Variants in ATP9B observed in about 807,000 individuals in gnomAD.
ATP9B encodes ATPase phospholipid transporting 9B.
A neutral mutation model predicts 146.1 loss-of-function variants in ATP9B; 110 were observed. The ratio of observed to expected loss-of-function variants is 0.75; its 90% CI spans 0.65 to 0.88. The LOEUF is 0.88. Ranked by LOEUF, ATP9B falls within the 40% of genes least tolerant of loss-of-function variation. The pLI is 0.00. For synonymous variants in ATP9B, 604 were observed against 569.7 expected (o/e 1.06, Z -0.86); for missense variants, 1,499 against 1,496.4 (o/e 1.00, Z -0.03).
intron 8 of ATP9B, among the ~76,000 whole-genome samples, chr18:79,185,423 C>G (rs1234058514): frequency 1.3e-5 from 2 of 152,064 alleles, no homozygotes; most frequent in Non-Finnish European, 2.9e-5. Context: ...ATAAATAATT[C>G]GTACAATGCA....
chr18:79,319,859 C>CCAA (rs2096705539), intron 15 of ATP9B, among the ~76,000 whole-genome samples: 1 of 152,118 alleles, frequency 6.6e-6, no homozygotes, highest in Admixed American at 6.5e-5. Flanking sequence ...TACAGGAGTA[C>CCAA]TCTTTGATTT....
intron 4 of ATP9B, among the ~76,000 whole-genome samples, chr18:79,121,630 A>G (rs978951048): frequency 6.6e-6 from 1 of 152,162 alleles, no homozygotes; most frequent in Admixed American, 6.5e-5. Flanking sequence ...TTATGTTCCT[A>G]GGCTGGCCAT....
chr18:79,375,856 A>G, intron 29 of ATP9B: 1 of 985,362 alleles, frequency 1.0e-6, no homozygotes, highest in African/African-American at 1.7e-5. Flanking sequence ...TGCTCCATAG[A>G]TCTTTTTATC....
intron 9 of ATP9B, among the ~76,000 whole-genome samples, chr18:79,200,805 G>C (rs565231881): frequency 0.23 from 53 of 234 alleles, no homozygotes; most frequent in African/African-American, 0.32. Flanking sequence ...GTTTTCATCA[G>C]AATAGACTTG....
At chr18:79,194,877 TG>T (rs1480739173) in intron 9 of ATP9B, among the ~76,000 whole-genome samples, 1 of 152,220 alleles carries the variant, frequency 6.6e-6, no homozygotes, top group Non-Finnish European at 1.5e-5. Context: ...ATCCAGGTTT[TG>T]CACACAGAAG....
intron 26 of ATP9B, among the ~76,000 whole-genome samples, chr18:79,366,477 C>G (rs543242325): frequency 3.9e-5 from 6 of 152,320 alleles, no homozygotes; most frequent in African/African-American, 1.4e-4. Flanking sequence ...TTGCTTCTTA[C>G]AGGAATCAAT....
chr18:79,323,238 A>G (rs1018365376), intron 15 of ATP9B, among the ~76,000 whole-genome samples: 8 of 151,902 alleles, frequency 5.3e-5, no homozygotes, highest in African/African-American at 1.9e-4. Context: ...TCCTCCGTTT[A>G]TCGTTGCTTC....
chr18:79,291,772 C>A (rs1430673902), intron 13 of ATP9B, among the ~76,000 whole-genome samples: 1 of 152,202 alleles, frequency 6.6e-6, no homozygotes, highest in Non-Finnish European at 1.5e-5. Context: ...TAGAAGATAC[C>A]ACGCATTTGT....
intron 17 of ATP9B, among the ~76,000 whole-genome samples, chr18:79,335,598 G>A (rs1018934109): frequency 1.3e-5 from 2 of 152,170 alleles, no homozygotes; most frequent in African/African-American, 2.4e-5. Context: ...AACTCTGGAA[G>A]GCGAATGCAG....
chr18:79,325,037 A>G (rs2096736492), intron 15 of ATP9B, among the ~76,000 whole-genome samples: 1 of 152,084 alleles, frequency 6.6e-6, no homozygotes. Flanking sequence ...CCGAAGACAG[A>G]CCCGGTCCCT....
chr18:79,126,629 C>T (rs2147194280), intron 5 of ATP9B, among the ~76,000 whole-genome samples: 1 of 152,248 alleles, frequency 6.6e-6, no homozygotes, highest in African/African-American at 2.4e-5. Context: ...CAAGCATGTA[C>T]ATGTATTACT....
chr18:79,280,017 A>G (rs150450072), intron 13 of ATP9B, among the ~76,000 whole-genome samples: 1 of 152,248 alleles, frequency 6.6e-6, no homozygotes, highest in Non-Finnish European at 1.5e-5. Context: ...ACCAGAAGAC[A>G]TGCATAAGAG....
chr18:79,327,914 G>GTAGCGTGCTCTCTCTGGT (rs2096766960), intron 15 of ATP9B, among the ~76,000 whole-genome samples: 1 of 52,712 alleles, frequency 1.9e-5, no homozygotes, highest in Non-Finnish European at 3.5e-5. Flanking sequence ...CTCTCCGTGG[G>GTAGCGTGCTCTCTCTGGT]TAGCGTGCTC....
intron 19 of ATP9B, among the ~76,000 whole-genome samples, chr18:79,340,796 A>G (rs2096853966): frequency 6.6e-6 from 1 of 152,244 alleles, no homozygotes; most frequent in South Asian, 2.1e-4. Context: ...TTTATTTGAC[A>G]TAAACAACTT....
At chr18:79,321,159 T>TGCTGCAGA (rs763942154) in intron 15 of ATP9B, among the ~76,000 whole-genome samples, 4 of 152,336 alleles carry the variant, frequency 2.6e-5, no homozygotes, top group East Asian at 3.9e-4. Flanking sequence ...CACACTTACG[T>TGCTGCAGA]GCTGCAGAGC....
intron 11 of ATP9B, among the ~76,000 whole-genome samples, chr18:79,220,191 G>C (rs552897208): frequency 6.6e-6 from 1 of 152,320 alleles, no homozygotes; most frequent in South Asian, 2.1e-4. Context: ...TTGGTGGTAA[G>C]ACTTCGAGTA....
At chr18:79,094,020 T>C (rs1022234862) in intron 1 of ATP9B, among the ~76,000 whole-genome samples, 1 of 152,248 alleles carries the variant, frequency 6.6e-6, no homozygotes, top group Non-Finnish European at 1.5e-5. Flanking sequence ...GTTGTGGGAT[T>C]CTGGGTCTCA....
intron 12 of ATP9B, among the ~76,000 whole-genome samples, chr18:79,264,702 TAC>T (rs1237119667): frequency 6.6e-6 from 1 of 151,538 alleles, no homozygotes; most frequent in Non-Finnish European, 1.5e-5. Context: ...TGGTGTGAAG[TAC>T]AGTTTTTAAA....
At chr18:79,123,468 C>T (rs1568224562) in intron 4 of ATP9B, among the ~76,000 whole-genome samples, 1 of 150,692 alleles carries the variant, frequency 6.6e-6, no homozygotes, top group Admixed American at 6.6e-5. Flanking sequence ...TGGCAGCACT[C>T]TCCAAACTGA....
Sources: gnomAD v4.1 joint callset for allele counts (sites outside exome capture counted in the v4.1 genomes callset) on GRCh38, gnomAD v4.1.1 for gene constraint, MANE v1.5 for transcripts, NCBI Gene and HGNC (gene_info 2026-07-23, HGNC 2026-07-21) for gene names.